Variants in LRRC8D observed in about 807,000 individuals in gnomAD.
LRRC8D encodes leucine rich repeat containing 8 VRAC subunit D.
LRRC8D carries 20 observed loss-of-function variants against 55.8 expected under a neutral mutation model. That is an observed-to-expected ratio of 0.36 (90% CI 0.25 to 0.52). The LOEUF (loss-of-function observed/expected upper bound fraction) is 0.52, where lower values mean the gene tolerates loss of function less well. Among genes scored for constraint, LRRC8D ranks in the 20% least tolerant of loss-of-function variants. The pLI is 0.93. For synonymous variants in LRRC8D, 352 were observed against 377.0 expected, an observed-to-expected ratio of 0.93 and a Z score of 0.77; for missense variants, 651 against 1,030.8, an observed-to-expected ratio of 0.63 and a Z score of 5.05.
intron 2 of LRRC8D, among the ~76,000 whole-genome samples, chr1:89,880,251 T>C (rs1011917457): frequency 2.0e-5 from 3 of 150,214 alleles, no homozygotes; most frequent in Non-Finnish European, 3.0e-5. Context: ...AGATGAGAAA[T>C]GTAGACTGGA....
At chr1:89,878,898 C>T (rs1388735120) in intron 2 of LRRC8D, among the ~76,000 whole-genome samples, 1 of 147,122 alleles carries the variant, frequency 6.8e-6, no homozygotes, top group Non-Finnish European at 1.5e-5. Flanking sequence ...ACCCAGGAGG[C>T]AGAGATTGCA....
At chr1:89,932,372 T>C (rs1663731459) in intron 2 of LRRC8D, among the ~76,000 whole-genome samples, 1 of 152,166 alleles carries the variant, frequency 6.6e-6, no homozygotes, top group African/African-American at 2.4e-5. Context: ...TATTGATAAA[T>C]CCCAAGTGTG....
chr1:89,870,178 T>TA (rs539412023), intron 2 of LRRC8D, among the ~76,000 whole-genome samples: 40 of 151,650 alleles, frequency 2.6e-4, no homozygotes, highest in Non-Finnish European at 4.7e-4. Context: ...TTAGTTTTTC[T>TA]AAAAAACTGA....
intron 2 of LRRC8D, among the ~76,000 whole-genome samples, chr1:89,857,112 G>A (rs538490284): frequency 1.5e-4 from 23 of 152,168 alleles, no homozygotes; most frequent in Admixed American, 2.0e-4. Flanking sequence ...GGTCAGGCAC[G>A]GTGGCTCATG....
chr1:89,858,431 A>T (rs1198096605), intron 2 of LRRC8D, among the ~76,000 whole-genome samples: 1 of 152,178 alleles, frequency 6.6e-6, no homozygotes, highest in African/African-American at 2.4e-5. Flanking sequence ...ATATTAGAGA[A>T]AATTACCATT....
intron 2 of LRRC8D, among the ~76,000 whole-genome samples, chr1:89,925,676 C>G (rs2100983513): frequency 6.6e-6 from 1 of 152,336 alleles, no homozygotes; most frequent in South Asian, 2.1e-4. Flanking sequence ...CACATACACA[C>G]TCAGTATATA....
intron 2 of LRRC8D, among the ~76,000 whole-genome samples, chr1:89,878,583 A>G (rs532674543): frequency 6.6e-6 from 1 of 152,354 alleles, no homozygotes; most frequent in South Asian, 2.1e-4. Flanking sequence ...GAATGAGAAC[A>G]TGGTCAACTA....
chr1:89,929,184 C>T (rs985828655), intron 2 of LRRC8D, among the ~76,000 whole-genome samples: 3 of 152,068 alleles, frequency 2.0e-5, no homozygotes, highest in Admixed American at 1.3e-4. Flanking sequence ...CTGTGATGGG[C>T]GGAGGTACAG....
intron 1 of LRRC8D, among the ~76,000 whole-genome samples, chr1:89,837,479 A>G (rs911223266): frequency 3.9e-5 from 6 of 152,232 alleles, no homozygotes; most frequent in African/African-American, 1.4e-4. Flanking sequence ...TATGGGTAAG[A>G]AAATGTGTTG....
intron 2 of LRRC8D, among the ~76,000 whole-genome samples, chr1:89,879,191 G>C (rs146243933): frequency 6.6e-6 from 1 of 152,296 alleles, no homozygotes; most frequent in Admixed American, 6.5e-5. Flanking sequence ...AGCTGAAAAA[G>C]AGTAAGCAAT....
intron 2 of LRRC8D, among the ~76,000 whole-genome samples, chr1:89,913,244 A>G (rs1237743210): frequency 6.6e-6 from 1 of 152,196 alleles, no homozygotes; most frequent in African/African-American, 2.4e-5. Context: ...AGGCTGGGAA[A>G]TGTTATCTCT....
At chr1:89,905,961 C>T (rs1420645733) in intron 2 of LRRC8D, among the ~76,000 whole-genome samples, 5 of 152,178 alleles carry the variant, frequency 3.3e-5, no homozygotes, top group African/African-American at 1.2e-4. Flanking sequence ...AGACCTGACC[C>T]CTGCTTACCA....
Position 89,847,651 on chromosome 1 carries a change from G to A in LRRC8D, c.-3+3869G>A, listed in dbSNP as rs182006948. Among the ~76,000 whole-genome samples, 37 of 152,176 alleles carry A rather than the reference G, an allele frequency of 2.4e-4. No homozygotes were observed. The East Asian group carries it at 4.4e-3, about 18-fold the overall frequency. On this transcript the variant is annotated intron_variant, in intron 2 of 2. Transcript: ENST00000337338. The stretch of plus-strand genomic sequence containing the variant: ...TTTTCAAAACTTTTTTTCCCTTCAC[G>A]TATATTATAAAGTAAAAAATGCCTT...
Position 89,898,220 on chromosome 1 carries a change from C to T in LRRC8D, c.-2-34847C>T, listed in dbSNP as rs75067981. 7.3e-3 allele frequency among the ~76,000 whole-genome samples: 1,112 copies of T among 152,216 alleles called. 18 individuals carry two copies. Among genetic ancestry groups the T allele is most frequent in the African/African-American group, 0.025 (1,058 of 41,518 alleles). ...TTAACTGATGCTGTAGAAGTGAGGC[C>T]ACCACATTTATCAAATCTAAAAGCA... On this transcript the variant is annotated intron_variant, in intron 2 of 2. Coordinates refer to ENST00000337338, the MANE Select transcript of LRRC8D (RefSeq NM_001134479.2).
chr1:89,865,042 A>G (rs925375017), intron 2 of LRRC8D, among the ~76,000 whole-genome samples: 1 of 152,084 alleles, frequency 6.6e-6, no homozygotes, highest in African/African-American at 2.4e-5. Context: ...AACATTTTAC[A>G]TCTCCAACAT....
chr1:89,838,993 G>A (rs1661069405), intron 1 of LRRC8D, among the ~76,000 whole-genome samples: 1 of 152,050 alleles, frequency 6.6e-6, no homozygotes, highest in African/African-American at 2.4e-5. Context: ...AGCATTACAA[G>A]TTATCTTTTT....
Position 89,933,519 on chromosome 1 carries a change from C to G in LRRC8D, c.451C>G (p.Gln151Glu). 1 of 1,614,116 alleles carries G rather than the reference C, an allele frequency of 6.2e-7. No individual in the cohort carries two copies. The change falls in exon 3 of 3, where the codon CAA becomes GAA. Residue 151 changes from glutamine to glutamate, a missense_variant. By Grantham distance (29) the Gln-to-Glu change is conservative. This residue lies in a region of LRRC8D where 178 missense variants were observed against 374.9 expected (regional missense o/e 0.47). Coordinates refer to ENST00000337338, the MANE Select transcript of LRRC8D (RefSeq NM_001134479.2). The surrounding 1 kb of genome is among the most constrained non-coding windows in gnomAD (Gnocchi z 7.0). ...TTTTCAGCAATATGTATTTATTAAT[C>G]AAATGTGTTACCATCTGGCCCTTCC... ...LDFQQYVFIN[Q>E]MCYHLALPWY...
intron 2 of LRRC8D, among the ~76,000 whole-genome samples, chr1:89,887,935 C>A (rs921396986): frequency 1.3e-5 from 2 of 152,140 alleles, no homozygotes; most frequent in African/African-American, 4.8e-5. Flanking sequence ...ACTGATCATA[C>A]CCTGAGTTTA....
At chr1:89,821,633 C>T (rs750111789) in intron 1 of LRRC8D, among the ~76,000 whole-genome samples, 19 of 152,186 alleles carry the variant, frequency 1.2e-4, no homozygotes, top group Non-Finnish European at 1.8e-4. Context: ...CTCCCTCCGC[C>T]CTATCGGAAA....
Sources: allele counts gnomAD v4.1 joint callset (sites outside exome capture counted in the v4.1 genomes callset), GRCh38; gene constraint gnomAD v4.1.1; regional missense constraint gnomAD v4.1.1; non-coding constraint Gnocchi (gnomAD v3.1); transcripts MANE v1.5; gene names NCBI Gene and HGNC (gene_info 2026-07-23, HGNC 2026-07-21).